The following KCNK2 variants were observed in gnomAD, a reference collection of about 807,000 sequenced individuals.
KCNK2 encodes the protein potassium channel subfamily K member 2.
Under a neutral mutation model 40.5 loss-of-function variants are expected in KCNK2, and 21 were observed. That is an observed-to-expected ratio of 0.52 (90% confidence interval 0.37 to 0.75). The LOEUF (loss-of-function observed/expected upper bound fraction) is 0.75. KCNK2 is among the 30% of genes least tolerant of loss of function. The pLI, the probability that KCNK2 is intolerant of heterozygous loss-of-function variation, is 0.00. For missense variants in KCNK2, 399 were observed against 531.6 expected (o/e 0.75, Z 2.45); for synonymous variants, 191 against 202.2 (o/e 0.94, Z 0.47).
chr1:215,082,699 G>C (rs995311311), upstream of KCNK2, among the ~76,000 whole-genome samples: 79 of 151,972 alleles, frequency 5.2e-4, no homozygotes, highest in Non-Finnish European at 1.0e-3. Context: ...GAGACAGGAG[G>C]GGGAGGAGGC....
chr1:215,020,790 A>T (rs1464395079), intron 1 of KCNK2, among the ~76,000 whole-genome samples: 5 of 152,160 alleles, frequency 3.3e-5, no homozygotes, highest in Non-Finnish European at 5.9e-5. Flanking sequence ...ACTCATTTGG[A>T]TGTGTAAATT....
exon 1 of KCNK2, chr1:215,005,877 A>G (rs757603577): frequency 1.4e-5 from 23 of 1,589,936 alleles, no homozygotes; most frequent in African/African-American, 4.0e-5. Flanking sequence ...GAAGAACGGC[A>G]TTAAAGATCA....
intron 2 of KCNK2, among the ~76,000 whole-genome samples, chr1:215,097,253 C>T (rs375535410): frequency 5.9e-5 from 9 of 151,908 alleles, no homozygotes; most frequent in Non-Finnish European, 7.4e-5. Flanking sequence ...ATTCTAGACA[C>T]GTATGGTAGT....
intron 1 of KCNK2, among the ~76,000 whole-genome samples, chr1:215,024,946 T>G (rs75023609): frequency 4.7e-5 from 2 of 42,458 alleles, no homozygotes; most frequent in Non-Finnish European, 6.6e-5. Context: ...TCTACAGGAG[T>G]TTTTTTTTTT....
At chr1:215,097,832 G>A (rs548050851) in intron 2 of KCNK2, among the ~76,000 whole-genome samples, 1 of 152,098 alleles carries the variant, frequency 6.6e-6, no homozygotes, top group East Asian at 1.9e-4. Flanking sequence ...CCTGTGACAA[G>A]ACAAAAGAGA....
intron 2 of KCNK2, among the ~76,000 whole-genome samples, chr1:215,098,655 TAACTGTTTTG>T (rs1337641592): frequency 6.6e-6 from 1 of 152,010 alleles, no homozygotes; most frequent in African/African-American, 2.4e-5. Flanking sequence ...CTACATTTTT[TAACTGTTTTG>T]AACTGTTAAA....
intron 3 of KCNK2, among the ~76,000 whole-genome samples, chr1:215,125,335 G>A (rs866897439): frequency 4.2e-4 from 64 of 152,048 alleles, no homozygotes; most frequent in African/African-American, 1.4e-3. Flanking sequence ...CCTTTTAATC[G>A]CATTGTTTGT....
At chr1:215,171,912 C>A in intron 4 of KCNK2, 85 bp from the exon 5 acceptor site, 1 of 894,652 alleles carries the variant, frequency 1.1e-6, no homozygotes, top group Non-Finnish European at 1.5e-6. Context: ...TTCTCTCTCT[C>A]TCTCTTTGTC....
At chr1:215,192,065 A>G (rs1664690009) in intron 5 of KCNK2, among the ~76,000 whole-genome samples, 1 of 152,226 alleles carries the variant, frequency 6.6e-6, no homozygotes, top group African/African-American at 2.4e-5. Flanking sequence ...AAGTTTTTTA[A>G]AAGGTATTTC....
At chr1:215,225,121 AAT>A (rs1187258918) in intron 6 of KCNK2, among the ~76,000 whole-genome samples, 1 of 152,192 alleles carries the variant, frequency 6.6e-6, no homozygotes, top group Non-Finnish European at 1.5e-5. Flanking sequence ...CTTGGCATAT[AAT>A]AGATATTCAA....
chr1:215,057,237 T>C (rs1477709468), intron 1 of KCNK2, among the ~76,000 whole-genome samples: 1 of 151,238 alleles, frequency 6.6e-6, no homozygotes, highest in African/African-American at 2.4e-5. Context: ...GAGATATGCA[T>C]ATTTAAGCAT....
At chr1:215,218,100 C>T (rs1666028414) in intron 6 of KCNK2, among the ~76,000 whole-genome samples, 1 of 152,200 alleles carries the variant, frequency 6.6e-6, no homozygotes. Flanking sequence ...GGGACCACTT[C>T]ACTAAGGCAC....
chr1:215,116,259 T>G (rs1660935252), intron 2 of KCNK2, among the ~76,000 whole-genome samples: 1 of 152,136 alleles, frequency 6.6e-6, no homozygotes, highest in Admixed American at 6.6e-5. Flanking sequence ...TCAGCAGATT[T>G]ATTGTTACAA....
chr1:215,226,735 T>TA (rs1429277996), intron 6 of KCNK2, among the ~76,000 whole-genome samples: 1 of 152,054 alleles, frequency 6.6e-6, no homozygotes, highest in Non-Finnish European at 1.5e-5. Flanking sequence ...TGAAAAGAGT[T>TA]AGAGGGCTGG....
chr1:215,082,007 G>A (rs994046035), upstream of KCNK2: 23 of 152,266 alleles, frequency 1.5e-4, no homozygotes, highest in African/African-American at 4.8e-4. Flanking sequence ...TGGAGTCTGA[G>A]TTCTCCCACC....
chr1:215,139,655 T>G (rs1465674623), intron 3 of KCNK2, among the ~76,000 whole-genome samples: 1 of 152,112 alleles, frequency 6.6e-6, no homozygotes, highest in Non-Finnish European at 1.5e-5. Flanking sequence ...TGGTGGTGCA[T>G]GCCTGCAATC....
chr1:215,169,470 A>G lies in KCNK2; in HGVS notation c.636+111A>G, dbSNP rs559419233. 33 of 761,706 alleles carry G rather than the reference A, an allele frequency of 4.3e-5. No individual in the cohort carries two copies. The East Asian group carries it at 8.6e-4, about 20-fold the overall frequency. 47.2% of individuals were successfully genotyped at this position (761,706 alleles called of 1,614,324 possible). ...TAGACATTCAATTATTAGGGCTTCCATAACAATTTATATGCATCTCTACTG... is the reference window on the plus strand; with the variant it reads ...TAGACATTCAATTATTAGGGCTTCCGTAACAATTTATATGCATCTCTACTG... On this transcript the variant is annotated intron_variant, in intron 4 of 6. Coordinates refer to ENST00000444842, the MANE Select transcript of KCNK2 (RefSeq NM_001017425.3).
intron 3 of KCNK2, among the ~76,000 whole-genome samples, chr1:215,146,564 A>G (rs965319631): frequency 2.0e-5 from 3 of 152,174 alleles, no homozygotes; most frequent in African/African-American, 7.2e-5. Flanking sequence ...TAATCAATGC[A>G]TTTGTTTTGA....
At chr1:215,046,640 T>C (rs1657782264) in intron 1 of KCNK2, among the ~76,000 whole-genome samples, 1 of 152,138 alleles carries the variant, frequency 6.6e-6, no homozygotes, top group Non-Finnish European at 1.5e-5. Context: ...TCTCAGCTTT[T>C]AAAATCTGTA....
Sources: allele counts gnomAD v4.1 joint callset (sites outside exome capture counted in the v4.1 genomes callset), GRCh38; gene constraint gnomAD v4.1.1; transcripts MANE v1.5; gene names NCBI Gene and HGNC (gene_info 2026-07-23, HGNC 2026-07-21).